The following PTPRT variants were observed in gnomAD, a reference collection of about 807,000 sequenced individuals.
PTPRT encodes receptor-type tyrosine-protein phosphatase T.
A neutral mutation model predicts 176.8 loss-of-function variants in PTPRT; 56 were observed. The observed-to-expected ratio is 0.32, with a 90% CI of 0.26 to 0.40. The LOEUF is 0.40. Among genes scored for constraint, PTPRT ranks in the 10% least tolerant of loss-of-function variants. The pLI is 1.00. For synonymous variants in PTPRT, 783 were observed against 739.0 expected (o/e 1.06, Z -0.96); for missense variants, 1,540 against 1,908.2 (o/e 0.81, Z 3.60).
chr20:42,727,086 T>A (rs910279852), intron 6 of PTPRT, among the ~76,000 whole-genome samples: 1 of 152,206 alleles, frequency 6.6e-6, no homozygotes, highest in Admixed American at 6.5e-5. Flanking sequence ...CCCATCTTTT[T>A]AACATCTTTT....
chr20:42,040,488 G>T, the PTPRT span, among the ~76,000 whole-genome samples: 2 of 152,082 alleles, frequency 1.3e-5, no homozygotes, highest in African/African-American at 4.8e-5. Flanking sequence ...GACTGTGGAG[G>T]ATTAACCTTC....
chr20:42,941,677 T>C (rs926379396), intron 1 of PTPRT, among the ~76,000 whole-genome samples: 2 of 152,240 alleles, frequency 1.3e-5, no homozygotes, highest in South Asian at 2.1e-4. Context: ...CCTCCTTTAA[T>C]GATGTCACTA....
the PTPRT span, among the ~76,000 whole-genome samples, chr20:42,033,650 A>G: frequency 6.6e-6 from 1 of 152,162 alleles, no homozygotes; most frequent in African/African-American, 2.4e-5. Flanking sequence ...CTGGTGCTCA[A>G]AAGTATCTGT....
chr20:42,185,794 G>A (rs1990754955), intron 16 of PTPRT, among the ~76,000 whole-genome samples: 1 of 152,078 alleles, frequency 6.6e-6, no homozygotes, highest in African/African-American at 2.4e-5. Flanking sequence ...TATTCATTCT[G>A]TGCCACATGC....
the PTPRT span, among the ~76,000 whole-genome samples, chr20:42,067,470 C>T: frequency 3.2e-5 from 2 of 62,388 alleles, no homozygotes; most frequent in African/African-American, 7.7e-5. Flanking sequence ...ATCCCAGATC[C>T]ACATACTCTC....
chr20:42,350,228 T>TGTTG (rs745693310), intron 11 of PTPRT, among the ~76,000 whole-genome samples: 30,496 of 117,876 alleles, frequency 0.26, 4,531 homozygotes, highest in East Asian at 0.76. Context: ...TTTTTTTTTT[T>TGTTG]TTTTTTTTTT....
intron 5 of PTPRT, among the ~76,000 whole-genome samples, chr20:42,762,193 C>G (rs538960270): frequency 3.0e-4 from 45 of 152,276 alleles, no homozygotes; most frequent in African/African-American, 1.1e-3. Flanking sequence ...TAAGTTATGG[C>G]ATACCTGGTA....
intron 7 of PTPRT, among the ~76,000 whole-genome samples, chr20:42,474,469 C>T (rs2071252725): frequency 6.6e-6 from 1 of 152,150 alleles, no homozygotes; most frequent in African/African-American, 2.4e-5. Context: ...AGTGGGCAGC[C>T]CTGGCCCCTG....
intron 15 of PTPRT, among the ~76,000 whole-genome samples, chr20:42,206,554 C>T (rs1472017635): frequency 6.6e-6 from 1 of 152,186 alleles, no homozygotes; most frequent in Non-Finnish European, 1.5e-5. Context: ...CACTCCCACC[C>T]GAATACTGCG....
At chr20:42,891,662 A>G (rs2079195095) in intron 1 of PTPRT, among the ~76,000 whole-genome samples, 2 of 152,238 alleles carry the variant, frequency 1.3e-5, no homozygotes, top group Non-Finnish European at 2.9e-5. Context: ...GAATTCAATA[A>G]AAATATAAAT....
Position 42,771,559 on chromosome 20 carries a change from G to T in PTPRT, c.569-9C>A. On this transcript the variant is annotated splice_polypyrimidine_tract_variant and intron_variant, in intron 4 of 30. Coordinates refer to ENST00000373187, the MANE Select transcript of PTPRT (RefSeq NM_007050.6). ...AAAATGAGGTGCTTTTCCTAAGAGA[G>T]AAACCAAAGAACACAAGAGAATGAG... 1 of 1,606,258 alleles carries T rather than the reference G, an allele frequency of 6.2e-7. No individual in the cohort carries two copies. The highest frequency in any genetic ancestry group is 8.5e-7 in the Non-Finnish European group (1 of 1,172,858).
intron 1 of PTPRT, among the ~76,000 whole-genome samples, chr20:43,013,482 G>A (rs962956839): frequency 6.6e-6 from 1 of 152,154 alleles, no homozygotes; most frequent in East Asian, 1.9e-4. Context: ...TCTTGAGTCT[G>A]CTTGCATGGG....
rs758994833 is a variant in PTPRT, at chr20:42,885,759, A to C, written c.214+48T>G. The stretch of plus-strand genomic sequence containing the variant: ...AGTTCTTCCCCCCATGATTCACGGT[A>C]AAAACTAGCCATCCCCATTACAGCC... On this transcript the variant is annotated intron_variant, in intron 2 of 30. Coordinates refer to ENST00000373187, the MANE Select transcript of PTPRT (RefSeq NM_007050.6). The C allele has an allele frequency of 5.1e-6, 8 of 1,572,922 alleles. No homozygotes were observed. The Admixed American group carries it at 6.8e-5, about 13-fold the overall frequency.
chr20:42,162,725 A>T (rs1036666259), intron 16 of PTPRT, among the ~76,000 whole-genome samples: 1 of 152,196 alleles, frequency 6.6e-6, no homozygotes, highest in African/African-American at 2.4e-5. Context: ...CCTATGCCAT[A>T]CTCATTCCCT....
chr20:42,439,365 G>A (rs1238322778), intron 9 of PTPRT, among the ~76,000 whole-genome samples: 2 of 152,188 alleles, frequency 1.3e-5, no homozygotes. Flanking sequence ...GTGGGCTCTG[G>A]CATCAGAGTT....
At chr20:42,965,723 A>G (rs1157194038) in intron 1 of PTPRT, among the ~76,000 whole-genome samples, 2 of 152,226 alleles carry the variant, frequency 1.3e-5, no homozygotes, top group African/African-American at 4.8e-5. Flanking sequence ...AAGCTCACAG[A>G]TGGAAAAACT....
chr20:42,569,081 A>T (rs6130164), intron 7 of PTPRT, among the ~76,000 whole-genome samples: 84 of 30,656 alleles, frequency 2.7e-3, no homozygotes, highest in East Asian at 3.4e-3. Context: ...AAAAAAAAAA[A>T]ATATATATAT....
intron 1 of PTPRT, among the ~76,000 whole-genome samples, chr20:43,113,967 G>A (rs2012960787): frequency 6.6e-6 from 1 of 152,142 alleles, no homozygotes; most frequent in South Asian, 2.1e-4. Flanking sequence ...CATTTCTGCA[G>A]ACATTAGAAA....
intron 1 of PTPRT, among the ~76,000 whole-genome samples, chr20:43,004,456 C>T (rs1340482292): frequency 6.6e-6 from 1 of 152,186 alleles, no homozygotes; most frequent in Non-Finnish European, 1.5e-5. Flanking sequence ...AAAATGTCAA[C>T]TAATAGACTG....
Sources: allele counts gnomAD v4.1 joint callset (sites outside exome capture counted in the v4.1 genomes callset), GRCh38; gene constraint gnomAD v4.1.1; transcripts MANE v1.5; gene names NCBI Gene and HGNC (gene_info 2026-07-23, HGNC 2026-07-21).